Variants in CRISPLD2 observed in about 807,000 individuals in gnomAD.
CRISPLD2 encodes the protein cysteine rich secretory protein LCCL domain containing 2, also known as cysteine-rich secretory protein LCCL domain-containing 2.
Under a neutral mutation model 71.1 loss-of-function variants are expected in CRISPLD2, and 47 were observed. The ratio of observed to expected loss-of-function variants is 0.66; its 90% CI spans 0.52 to 0.84. The LOEUF is 0.84. Ranked by LOEUF, CRISPLD2 falls within the 40% of genes least tolerant of loss-of-function variation. The probability of loss-of-function intolerance (pLI) is 0.00; values close to 1 mark genes in which losing one functional copy is unlikely to be tolerated. For missense variants in CRISPLD2, 830 were observed against 651.1 expected (o/e 1.27, Z -2.99); for synonymous variants, 317 against 250.1 (o/e 1.27, Z -2.52).
chr16:84,886,144 C>T (rs147183792), intron 13 of CRISPLD2, among the ~76,000 whole-genome samples: 52 of 152,288 alleles, frequency 3.4e-4, no homozygotes, highest in African/African-American at 1.2e-3. Context: ...CCCACCTCGG[C>T]CTCCCAAAGT....
chr16:84,897,925 CT>C (rs1442934661), intron 14 of CRISPLD2, among the ~76,000 whole-genome samples: 2 of 152,156 alleles, frequency 1.3e-5, no homozygotes, highest in Non-Finnish European at 2.9e-5. Context: ...CTTAAACACG[CT>C]TTTTAAAAAG....
At chr16:84,880,760 C>T in intron 13 of CRISPLD2, 176 bp downstream of exon 13, 1 of 494,078 alleles carries the variant, frequency 2.0e-6, no homozygotes. Flanking sequence ...GGCTGGAGTA[C>T]AGTGGAGTAA....
intron 13 of CRISPLD2, among the ~76,000 whole-genome samples, chr16:84,882,371 A>AACAAAAAAAAAAAAAAAAAAAGAAAT (rs368239840): frequency 8.8e-6 from 1 of 114,184 alleles, no homozygotes; most frequent in African/African-American, 3.7e-5. Context: ...AAAAAAAAAA[A>AACAAAAAAAAAAAAAAAAAAAGAAAT]GCAAGAACTT....
At chr16:84,835,108 G>A (rs1336673859) in intron 1 of CRISPLD2, among the ~76,000 whole-genome samples, 1 of 151,884 alleles carries the variant, frequency 6.6e-6, no homozygotes, top group African/African-American at 2.4e-5. Context: ...TAATTTTTTT[G>A]AGGTGAAGTT....
At chr16:84,899,293 G>C (rs925407933) in intron 14 of CRISPLD2, among the ~76,000 whole-genome samples, 1 of 152,164 alleles carries the variant, frequency 6.6e-6, no homozygotes, top group African/African-American at 2.4e-5. Flanking sequence ...AAATTACCCA[G>C]AAATACTGCA....
intron 6 of CRISPLD2, among the ~76,000 whole-genome samples, chr16:84,855,411 C>G (rs988560312): frequency 6.6e-6 from 1 of 152,164 alleles, no homozygotes; most frequent in South Asian, 2.1e-4. Flanking sequence ...ACTTCAAGCC[C>G]GATGTTTGAG....
chr16:84,880,626 T>C, intron 13 of CRISPLD2, 42 bp downstream of exon 13: 1 of 1,520,666 alleles, frequency 6.6e-7, no homozygotes, highest in South Asian at 1.1e-5. Context: ...GCAAAGCCTG[T>C]TAAAGACCTC....
At chr16:84,879,660 C>A (rs1567699200) in intron 12 of CRISPLD2, among the ~76,000 whole-genome samples, 1 of 152,072 alleles carries the variant, frequency 6.6e-6, no homozygotes, top group Non-Finnish European at 1.5e-5. Flanking sequence ...CTGCACCTGG[C>A]CTTCTTTTTT....
At chr16:84,832,433 C>T (rs1159700671) in intron 1 of CRISPLD2, among the ~76,000 whole-genome samples, 1 of 152,380 alleles carries the variant, frequency 6.6e-6, no homozygotes, top group Non-Finnish European at 1.5e-5. Context: ...CCAAATCAGA[C>T]GTAGTCCTTA....
At chr16:84,840,742 A>G (rs1272237430) in intron 2 of CRISPLD2, among the ~76,000 whole-genome samples, 1 of 152,056 alleles carries the variant, frequency 6.6e-6, no homozygotes, top group East Asian at 1.9e-4. Flanking sequence ...GGATTTCACC[A>G]TGTTGGCCAG....
At chr16:84,837,563 C>T (rs995329509) in intron 1 of CRISPLD2, among the ~76,000 whole-genome samples, 3 of 132,498 alleles carry the variant, frequency 2.3e-5, no homozygotes, top group Non-Finnish European at 5.2e-5. Context: ...ACTACAGGCG[C>T]GTGACACCAC....
At chr16:84,867,475 C>T (rs1258102994) in intron 7 of CRISPLD2, among the ~76,000 whole-genome samples, 1 of 152,174 alleles carries the variant, frequency 6.6e-6, no homozygotes, top group Non-Finnish European at 1.5e-5. Context: ...ATAGAGATGC[C>T]ACATCAAGGT....
chr16:84,859,002 A>G (rs1917314183), intron 6 of CRISPLD2, among the ~76,000 whole-genome samples: 1 of 152,180 alleles, frequency 6.6e-6, no homozygotes, highest in South Asian at 2.1e-4. Context: ...TGTGGGAATC[A>G]CCACCCCTGT....
intron 6 of CRISPLD2, among the ~76,000 whole-genome samples, chr16:84,864,529 C>T (rs1220862874): frequency 6.6e-6 from 1 of 152,244 alleles, no homozygotes; most frequent in African/African-American, 2.4e-5. Flanking sequence ...CGCGCCTGGG[C>T]AGCCTCTGCA....
At chr16:84,838,843 C>T (rs1231396350) in intron 2 of CRISPLD2, 108 bp downstream of exon 2, 2 of 1,401,984 alleles carry the variant, frequency 1.4e-6, no homozygotes, top group East Asian at 5.0e-5. Context: ...CGTGTGATGG[C>T]TGGCTCAGGG....
intron 1 of CRISPLD2, chr16:84,836,565 C>G (rs1461558537): frequency 6.6e-6 from 1 of 152,204 alleles, no homozygotes; most frequent in African/African-American, 2.4e-5. Context: ...GAGGCGCAGG[C>G]TCAGTCAGGA....
At chr16:84,839,783 AC>A (rs1490917590) in intron 2 of CRISPLD2, 2 of 152,104 alleles carry the variant, frequency 1.3e-5, no homozygotes, top group African/African-American at 2.4e-5. Flanking sequence ...TTTTAAACAA[AC>A]CCACGTCCCA....
chr16:84,820,902 T>C (rs1375719832), intron 1 of CRISPLD2, among the ~76,000 whole-genome samples: 1 of 152,038 alleles, frequency 6.6e-6, no homozygotes, highest in Admixed American at 6.5e-5. Context: ...TCGTCCCACG[T>C]GGACAGAGCC....
intron 13 of CRISPLD2, among the ~76,000 whole-genome samples, chr16:84,885,621 A>T (rs2071605993): frequency 6.6e-6 from 1 of 152,202 alleles, no homozygotes; most frequent in Non-Finnish European, 1.5e-5. Context: ...TTTATTGAAG[A>T]AGATGAAGAC....
Sources: gnomAD v4.1 joint callset for allele counts (sites outside exome capture counted in the v4.1 genomes callset) on GRCh38, gnomAD v4.1.1 for gene constraint, MANE v1.5 for transcripts, NCBI Gene and HGNC (gene_info 2026-07-23, HGNC 2026-07-21) for gene names.